Variants in SLC24A3 observed in about 807,000 individuals in gnomAD.
The protein encoded by SLC24A3 is solute carrier family 24 member 3.
Under a neutral mutation model 75.8 loss-of-function variants are expected in SLC24A3, and 28 were observed. That is an observed-to-expected ratio of 0.37 (90% CI 0.27 to 0.51). The LOEUF (loss-of-function observed/expected upper bound fraction) is 0.51, where lower values mean the gene tolerates loss of function less well. Among genes scored for constraint, SLC24A3 ranks in the 20% least tolerant of loss-of-function variants. The probability of loss-of-function intolerance (pLI) is 0.94; values close to 1 mark genes in which losing one functional copy is unlikely to be tolerated. For synonymous variants in SLC24A3, 372 were observed against 334.1 expected (o/e 1.11, Z -1.24); for missense variants, 663 against 847.8 (o/e 0.78, Z 2.71).
intron 2 of SLC24A3, among the ~76,000 whole-genome samples, chr20:19,336,621 A>G (rs1012938422): frequency 5.9e-5 from 9 of 151,438 alleles, no homozygotes; most frequent in Non-Finnish European, 1.5e-5. Flanking sequence ...CCTGGCCTCA[A>G]TCTGCCCCCA....
chr20:19,257,873 T>G (rs182205594), intron 1 of SLC24A3, among the ~76,000 whole-genome samples: 7 of 152,322 alleles, frequency 4.6e-5, no homozygotes, highest in Non-Finnish European at 1.0e-4. Context: ...TTGTCCAGGC[T>G]AAAATGCAGT....
chr20:19,541,342 C>T (rs1464257835), intron 3 of SLC24A3, among the ~76,000 whole-genome samples: 1 of 152,244 alleles, frequency 6.6e-6, no homozygotes, highest in Non-Finnish European at 1.5e-5. Flanking sequence ...ATCTGCCTGT[C>T]CCGGAAGCCT....
At chr20:19,384,264 G>A (rs903435074) in intron 2 of SLC24A3, among the ~76,000 whole-genome samples, 2 of 152,012 alleles carry the variant, frequency 1.3e-5, no homozygotes, top group East Asian at 1.9e-4. Context: ...CATGCTATAC[G>A]TTAAATCTCC....
At chr20:19,489,403 G>A (rs757787221) in intron 2 of SLC24A3, among the ~76,000 whole-genome samples, 1 of 152,174 alleles carries the variant, frequency 6.6e-6, no homozygotes, top group Admixed American at 6.5e-5. Flanking sequence ...GCAGGTTAAA[G>A]CAGCACATGA....
chr20:19,382,657 A>G (rs1439951630), intron 2 of SLC24A3, among the ~76,000 whole-genome samples: 1 of 152,174 alleles, frequency 6.6e-6, no homozygotes, highest in Non-Finnish European at 1.5e-5. Context: ...CCCAGAGGGC[A>G]TTAAGACTGG....
intron 1 of SLC24A3, among the ~76,000 whole-genome samples, chr20:19,219,699 A>G (rs1981654799): frequency 6.6e-6 from 1 of 152,268 alleles, no homozygotes; most frequent in African/African-American, 2.4e-5. Flanking sequence ...ACAATTGCAG[A>G]TGGCCAACAG....
At chr20:19,293,655 C>CAAA (rs760339037) in intron 2 of SLC24A3, among the ~76,000 whole-genome samples, 639 of 57,746 alleles carry the variant, frequency 0.011, 5 homozygotes, top group African/African-American at 0.033. Flanking sequence ...AACTTCGTCT[C>CAAA]AAAAAAAAAA....
intron 6 of SLC24A3, among the ~76,000 whole-genome samples, chr20:19,605,892 T>C (rs1463498309): frequency 6.6e-6 from 1 of 152,204 alleles, no homozygotes; most frequent in Non-Finnish European, 1.5e-5. Flanking sequence ...CTACACCTCT[T>C]GTCCTCTCTG....
At chr20:19,588,839 A>G (rs1167629861) in intron 6 of SLC24A3, among the ~76,000 whole-genome samples, 3 of 152,240 alleles carry the variant, frequency 2.0e-5, no homozygotes, top group Non-Finnish European at 4.4e-5. Context: ...AACCACAAAC[A>G]GAAATTATGC....
At chr20:19,260,533 T>G (rs1484428968) in intron 1 of SLC24A3, among the ~76,000 whole-genome samples, 1 of 152,186 alleles carries the variant, frequency 6.6e-6, no homozygotes, top group Admixed American at 6.5e-5. Context: ...TTAGAAATAA[T>G]AATAGTAGCA....
At chr20:19,278,070 A>G (rs1983541270) in intron 1 of SLC24A3, among the ~76,000 whole-genome samples, 1 of 152,222 alleles carries the variant, frequency 6.6e-6, no homozygotes, top group Non-Finnish European at 1.5e-5. Context: ...CAGCTGGCAC[A>G]GTGCAGCTTC....
intron 3 of SLC24A3, among the ~76,000 whole-genome samples, chr20:19,538,589 C>T (rs2030441594): frequency 6.6e-6 from 1 of 152,118 alleles, no homozygotes; most frequent in East Asian, 1.9e-4. Context: ...ATACACCCAC[C>T]AACATGGCTA....
At chr20:19,384,068 T>C (rs989341411) in intron 2 of SLC24A3, among the ~76,000 whole-genome samples, 2 of 152,210 alleles carry the variant, frequency 1.3e-5, no homozygotes, top group Non-Finnish European at 2.9e-5. Context: ...AAATTATATA[T>C]GTTTAAGGTG....
At chr20:19,316,856 A>G (rs1289819576) in intron 2 of SLC24A3, among the ~76,000 whole-genome samples, 1 of 152,158 alleles carries the variant, frequency 6.6e-6, no homozygotes, top group Non-Finnish European at 1.5e-5. Flanking sequence ...TTTTAAGTTC[A>G]GGGGTACATG....
At chr20:19,679,890 G>C (rs897104305) in intron 9 of SLC24A3, among the ~76,000 whole-genome samples, 2 of 151,890 alleles carry the variant, frequency 1.3e-5, no homozygotes, top group East Asian at 3.9e-4. Flanking sequence ...CATTTTCCTT[G>C]CACTTTGTTC....
At chr20:19,645,589 C>A (rs577344822) in intron 6 of SLC24A3, among the ~76,000 whole-genome samples, 1 of 152,060 alleles carries the variant, frequency 6.6e-6, no homozygotes, top group East Asian at 1.9e-4. Flanking sequence ...CACCGCTGAG[C>A]GGCTCCACAG....
intron 1 of SLC24A3, among the ~76,000 whole-genome samples, chr20:19,228,254 C>T (rs1230516268): frequency 3.9e-5 from 6 of 151,940 alleles, no homozygotes; most frequent in African/African-American, 1.5e-4. Flanking sequence ...ATGTGCTGTC[C>T]ATTGGGGTAT....
intron 2 of SLC24A3, among the ~76,000 whole-genome samples, chr20:19,493,278 C>T (rs534739084): frequency 5.3e-5 from 8 of 152,270 alleles, no homozygotes; most frequent in East Asian, 3.9e-4. Context: ...CTGACATAGC[C>T]GGTGGGAGGG....
intron 3 of SLC24A3, among the ~76,000 whole-genome samples, chr20:19,544,613 AT>A (rs34245557): frequency 2.6e-5 from 4 of 151,000 alleles, no homozygotes; most frequent in East Asian, 1.9e-4. Context: ...CCTCTGGGGC[AT>A]TTTTTTTTAG....
Sources: gnomAD v4.1 joint callset for allele counts (sites outside exome capture counted in the v4.1 genomes callset) on GRCh38, gnomAD v4.1.1 for gene constraint, MANE v1.5 for transcripts, NCBI Gene and HGNC (gene_info 2026-07-23, HGNC 2026-07-21) for gene names.